The following MAD1L1 variants were observed in gnomAD, a reference collection of about 807,000 sequenced individuals.
MAD1L1 encodes the protein mitotic arrest deficient 1 like 1, also known as mitotic spindle assembly checkpoint protein MAD1.
A neutral mutation model predicts 96.9 loss-of-function variants in MAD1L1; 95 were observed. The ratio of observed to expected loss-of-function variants is 0.98; its 90% CI spans 0.83 to 1.16. The LOEUF (loss-of-function observed/expected upper bound fraction) is 1.16. Ranked by LOEUF, MAD1L1 falls within the 50% of genes most tolerant of loss-of-function variation. The probability of loss-of-function intolerance (pLI) is 0.00; values close to 1 mark genes in which losing one functional copy is unlikely to be tolerated. For missense variants in MAD1L1, 1,007 were observed against 954.4 expected, an observed-to-expected ratio of 1.06 and a Z score of -0.73; for synonymous variants, 473 against 396.6, an observed-to-expected ratio of 1.19 and a Z score of -2.29.
chr7:1,977,717 G>A (rs767922398), intron 15 of MAD1L1, among the ~76,000 whole-genome samples: 1 of 152,210 alleles, frequency 6.6e-6, no homozygotes, highest in Non-Finnish European at 1.5e-5. Context: ...TCTGACACAC[G>A]CCTGGCCATG....
At position 2,067,338 on chromosome 7, in the gene MAD1L1, T is replaced by C. The variant is rs551797622; in HGVS notation, c.1218+1856A>G. 2.0e-5 allele frequency among the ~76,000 whole-genome samples: 3 copies of C among 152,006 alleles called. No homozygotes were observed. In the East Asian group the frequency reaches 5.8e-4, roughly 30 times the overall value. On this transcript the variant is annotated intron_variant, in intron 12 of 18. Coordinates refer to ENST00000265854, the MANE Select transcript of MAD1L1 (RefSeq NM_001013836.2). ...CCCAAAGTTTAGCAGAAAGGAGAACTGAGACCCAGAGAGAATGAGGGACAT... is the reference window on the plus strand; with the variant it reads ...CCCAAAGTTTAGCAGAAAGGAGAACCGAGACCCAGAGAGAATGAGGGACAT...
chr7:2,075,989 C>T lies in MAD1L1; in HGVS notation c.1074-6651G>A, dbSNP rs371248492. The stretch of plus-strand genomic sequence containing the variant: ...ACAGGAGCCCACGGCGTGGCCACCG[C>T]GGGAGACAGGCTCTGAGAGAGGCCA... On this transcript the variant is annotated intron_variant, in intron 11 of 18. Coordinates refer to ENST00000265854, the MANE Select transcript of MAD1L1 (RefSeq NM_001013836.2). 9.8e-5 allele frequency among the ~76,000 whole-genome samples: 15 copies of T among 152,336 alleles called. 1 individual carries two copies. Among genetic ancestry groups the T allele is most frequent in the African/African-American group, 3.1e-4 (13 of 41,576 alleles).
At chr7:2,228,143 G>A (rs567949348) in intron 3 of MAD1L1, among the ~76,000 whole-genome samples, 40 of 151,988 alleles carry the variant, frequency 2.6e-4, no homozygotes, top group Non-Finnish European at 5.7e-4. Context: ...CTCCATCACT[G>A]ATCCCCTCAC....
chr7:1,941,542 G>A (rs923781478), intron 16 of MAD1L1, among the ~76,000 whole-genome samples: 12 of 152,204 alleles, frequency 7.9e-5, no homozygotes, highest in East Asian at 1.9e-4. Flanking sequence ...TGCTGGCCCC[G>A]CTGGGGGCGA....
chr7:1,981,945 C>G (rs1261198204), intron 14 of MAD1L1, among the ~76,000 whole-genome samples: 1 of 152,120 alleles, frequency 6.6e-6, no homozygotes, highest in East Asian at 1.9e-4. Flanking sequence ...ATCCACAGTT[C>G]AGACAACAAA....
At chr7:1,886,849 C>T (rs991398747) in intron 18 of MAD1L1, among the ~76,000 whole-genome samples, 6 of 152,266 alleles carry the variant, frequency 3.9e-5, no homozygotes, top group African/African-American at 9.6e-5. Flanking sequence ...GCCCTGCACC[C>T]TTCCTGGCCC....
intron 10 of MAD1L1, among the ~76,000 whole-genome samples, chr7:2,165,789 A>C (rs1038026281): frequency 2.2e-4 from 34 of 152,264 alleles, no homozygotes; most frequent in African/African-American, 8.2e-4. Flanking sequence ...TCAGGGCGAG[A>C]CAGAGTGCCC....
At chr7:2,076,562 C>T (rs1049704677) in intron 11 of MAD1L1, among the ~76,000 whole-genome samples, 2 of 152,244 alleles carry the variant, frequency 1.3e-5, no homozygotes, top group Non-Finnish European at 2.9e-5. Flanking sequence ...AACGCCCAGA[C>T]ACACTGTTCA....
At chr7:2,020,507 C>T (rs1782742457) in intron 12 of MAD1L1, among the ~76,000 whole-genome samples, 1 of 152,226 alleles carries the variant, frequency 6.6e-6, no homozygotes, top group Non-Finnish European at 1.5e-5. Context: ...GCCCTGACAT[C>T]ATGGGAACAA....
chr7:1,975,554 C>A (rs73275235), intron 15 of MAD1L1, among the ~76,000 whole-genome samples: 3 of 152,190 alleles, frequency 2.0e-5, no homozygotes, highest in African/African-American at 7.2e-5. Context: ...TTTCCAGTTA[C>A]CTCTATGTAG....
chr7:2,081,459 C>T (rs1785642133), intron 11 of MAD1L1, among the ~76,000 whole-genome samples: 1 of 152,250 alleles, frequency 6.6e-6, no homozygotes, highest in Admixed American at 6.5e-5. Context: ...CAGGACACAT[C>T]TCAGCTGGAG....
rs932073982 is a variant in MAD1L1 at position 1,968,878 on chromosome 7, G to A, written c.1506-11159C>T. On this transcript the variant is annotated intron_variant, in intron 15 of 18. Transcript: ENST00000265854. The surrounding 1 kb of genome is among the most constrained non-coding windows in gnomAD (Gnocchi z 5.6). ...GAGATGTGACGACTAAAATCAACAC[G>A]GTGCCCTGGCTGCAACATGCAGGAA... Among the ~76,000 whole-genome samples the A allele has an allele frequency of 1.2e-4, 18 of 152,190 alleles. No homozygotes were observed. Among genetic ancestry groups the A allele is most frequent in the South Asian group, 2.1e-4 (1 of 4,828 alleles).
chr7:1,915,667 G>C (rs1330493243), intron 17 of MAD1L1, among the ~76,000 whole-genome samples: 1 of 152,366 alleles, frequency 6.6e-6, no homozygotes, highest in Middle Eastern at 3.4e-3. Flanking sequence ...GAAATGTTCA[G>C]CGTTGAGTGC....
chr7:1,994,655 C>T (rs1028807905), intron 14 of MAD1L1, among the ~76,000 whole-genome samples: 26 of 151,048 alleles, frequency 1.7e-4, no homozygotes, highest in Non-Finnish European at 5.9e-5. Context: ...GGCGGAGCCT[C>T]GGGGGGGGGA....
intron 12 of MAD1L1, among the ~76,000 whole-genome samples, chr7:2,041,956 C>A (rs1783693692): frequency 6.6e-6 from 1 of 152,146 alleles, no homozygotes; most frequent in Non-Finnish European, 1.5e-5. Context: ...CTGCATCCTA[C>A]CCAGCCAAGG....
At chr7:2,016,249 C>T (rs1172262446) in intron 12 of MAD1L1, among the ~76,000 whole-genome samples, 1 of 152,182 alleles carries the variant, frequency 6.6e-6, no homozygotes, top group Admixed American at 6.5e-5. Context: ...GCCAATGCTC[C>T]GGCACAGCCC....
chr7:2,162,031 C>A (rs768749632), intron 10 of MAD1L1, among the ~76,000 whole-genome samples: 4 of 151,640 alleles, frequency 2.6e-5, no homozygotes. Context: ...TCCACCCGGC[C>A]GCCCCGTCTG....
intron 15 of MAD1L1, among the ~76,000 whole-genome samples, chr7:1,972,264 T>C (rs1246621451): frequency 6.6e-6 from 1 of 152,194 alleles, no homozygotes; most frequent in Non-Finnish European, 1.5e-5. Flanking sequence ...TCTCTTCAAT[T>C]TTCTGTGTCA....
chr7:1,842,871 G>A (rs900075659), intron 18 of MAD1L1, among the ~76,000 whole-genome samples: 4 of 152,258 alleles, frequency 2.6e-5, no homozygotes, highest in South Asian at 4.1e-4. Context: ...CTCAGCACAC[G>A]GGCTGCCTTG....
Sources: gnomAD v4.1 joint callset for allele counts (sites outside exome capture counted in the v4.1 genomes callset) on GRCh38, gnomAD v4.1.1 for gene constraint, Gnocchi (gnomAD v3.1) non-coding constraint, MANE v1.5 for transcripts, NCBI Gene and HGNC (gene_info 2026-07-23, HGNC 2026-07-21) for gene names.